The following FRMPD4 variants were observed in gnomAD, a reference collection of about 807,000 sequenced individuals.
FRMPD4 encodes FERM and PDZ domain-containing protein 4.
FRMPD4 carries 22 observed loss-of-function variants against 94.1 expected under a neutral mutation model. The observed-to-expected ratio is 0.23, with a 90% CI of 0.17 to 0.33. The LOEUF (loss-of-function observed/expected upper bound fraction) is 0.33, where lower values mean the gene tolerates loss of function less well. FRMPD4 is among the 10% of genes least tolerant of loss of function. The probability of loss-of-function intolerance (pLI) is 1.00; values close to 1 mark genes in which losing one functional copy is unlikely to be tolerated. For synonymous variants in FRMPD4, 631 were observed against 548.6 expected (o/e 1.15, Z -2.10); for missense variants, 1,111 against 1,339.9 (o/e 0.83, Z 2.67).
At chrX:12,085,408 C>T (rs1483891253) in intron 3 of FRMPD4, among the ~76,000 whole-genome samples, 3 of 111,344 alleles carry the variant, frequency 2.7e-5, no homozygotes, top group East Asian at 2.8e-4. Context: ...GTGTCTCATA[C>T]CTATAGTCCC....
chrX:12,625,095 C>G (rs1297675141), intron 4 of FRMPD4, among the ~76,000 whole-genome samples: 1 of 111,558 alleles, frequency 9.0e-6, no homozygotes, highest in Non-Finnish European at 1.9e-5. Context: ...TGTCATCTCA[C>G]CACAGTTAAA....
At chrX:12,242,283 G>A (rs2053887896) in intron 1 of FRMPD4, among the ~76,000 whole-genome samples, 3 of 110,998 alleles carry the variant, frequency 2.7e-5, no homozygotes, top group African/African-American at 9.8e-5. Flanking sequence ...AAAATTAATG[G>A]TCATCTCTGT....
At chrX:12,640,079 T>G (rs60007294) in intron 4 of FRMPD4, among the ~76,000 whole-genome samples, 6,433 of 109,466 alleles carry the variant, frequency 0.059, 357 homozygotes, top group African/African-American at 0.17. Flanking sequence ...CGGGTGGATA[T>G]CCTGAGCTCA....
intron 1 of FRMPD4, among the ~76,000 whole-genome samples, chrX:12,193,771 AAAGGAAGG>A (rs756939563): frequency 1.2e-4 from 2 of 17,288 alleles, no homozygotes; most frequent in African/African-American, 3.7e-4. Context: ...AGAAAGAAAG[AAAGGAAGG>A]AAGGAAGGAA....
At position 12,383,261 on chromosome X, in the gene FRMPD4, A is replaced by C. The variant is rs369172861; in HGVS notation, c.42-115419A>C. ...CAGAAAATTCCCTAATACTAGGAGAATATATTTAAACTAATTGTTCTCAAA... is the reference window on the plus strand; with the variant it reads ...CAGAAAATTCCCTAATACTAGGAGACTATATTTAAACTAATTGTTCTCAAA... On this transcript the variant is annotated intron_variant, in intron 1 of 16. Transcript: ENST00000675598. 1.6e-3 allele frequency among the ~76,000 whole-genome samples: 179 copies of C among 112,303 alleles called. 1 individual carries two copies. In the Middle Eastern group the frequency reaches 0.037, roughly 23 times the overall value.
At position 12,415,316 on chromosome X, in the gene FRMPD4, C is replaced by T. The variant is rs139085163; in HGVS notation, c.42-83364C>T. Among the ~76,000 whole-genome samples the T allele has an allele frequency of 9.3e-3, 1,041 of 111,495 alleles. 8 individuals are homozygous for T. Among genetic ancestry groups the T allele is most frequent in the Non-Finnish European group, 0.014 (747 of 53,057 alleles). ...AAGTTGCATCAGAAAAGCAGTATTG[C>T]TGGGCAATATATGTTGTTTTCAAAA... On this transcript the variant is annotated intron_variant, in intron 1 of 16. Transcript: ENST00000675598.
chrX:11,876,684 ACAAAT>A (rs1438969477), intron 2 of FRMPD4, among the ~76,000 whole-genome samples: 1 of 83,754 alleles, frequency 1.2e-5, no homozygotes, highest in African/African-American at 4.5e-5. Flanking sequence ...CTCCATTGTG[ACAAAT>A]CAAATTGGCC....
chrX:12,254,850 AT>A (rs1569207848), intron 1 of FRMPD4, among the ~76,000 whole-genome samples: 1 of 110,579 alleles, frequency 9.0e-6, no homozygotes, highest in South Asian at 3.9e-4. Context: ...TTCTTTTACT[AT>A]TTTTTTGGAT....
At chrX:11,842,263 A>G in intron 1 of FRMPD4, among the ~76,000 whole-genome samples, 1 of 101,859 alleles carries the variant, frequency 9.8e-6, no homozygotes, top group Non-Finnish European at 2.0e-5. Context: ...ACTTTAAAGT[A>G]GTTTTTTCCA....
At chrX:12,557,607 A>G (rs1299966098) in intron 2 of FRMPD4, among the ~76,000 whole-genome samples, 1 of 112,217 alleles carries the variant, frequency 8.9e-6, no homozygotes. Flanking sequence ...CCCCATTGGA[A>G]TATGTTGAAA....
chrX:12,412,977 TAAAAAAA>T (rs201136609), intron 1 of FRMPD4, among the ~76,000 whole-genome samples: 1 of 102,777 alleles, frequency 9.7e-6, no homozygotes, highest in African/African-American at 3.6e-5. Flanking sequence ...ATAGTCATAG[TAAAAAAA>T]AAAAACACAC....
At chrX:12,258,578 A>C (rs986872310) in intron 1 of FRMPD4, among the ~76,000 whole-genome samples, 10 of 111,747 alleles carry the variant, frequency 8.9e-5, no homozygotes, top group African/African-American at 3.2e-4. Flanking sequence ...AAGTGAACTA[A>C]GACAACGCCA....
At chrX:12,272,977 T>C (rs1186685499) in intron 1 of FRMPD4, among the ~76,000 whole-genome samples, 2 of 109,749 alleles carry the variant, frequency 1.8e-5, no homozygotes, top group Non-Finnish European at 3.8e-5. Context: ...CTTGGGAGAC[T>C]GAGGCACAAG....
At chrX:12,532,902 G>A (rs2148292351) in intron 2 of FRMPD4, among the ~76,000 whole-genome samples, 1 of 112,466 alleles carries the variant, frequency 8.9e-6, no homozygotes, top group African/African-American at 3.2e-5. Context: ...TGAGAAACCT[G>A]CGACAGCCTT....
intron 6 of FRMPD4, 50 bp downstream of exon 6, chrX:12,683,637 G>C: frequency 4.7e-6 from 3 of 642,570 alleles, no homozygotes; most frequent in Non-Finnish European, 7.6e-6. Context: ...CAATGAGGCA[G>C]AAGCTTTGCA....
intron 6 of FRMPD4, among the ~76,000 whole-genome samples, chrX:12,683,886 C>T (rs1389862620): frequency 2.7e-5 from 3 of 112,452 alleles, no homozygotes; most frequent in Non-Finnish European, 5.6e-5. Context: ...GACACTGCCT[C>T]ATTCATACTC....
chrX:12,231,029 A>ATATATATAT (rs1569199737), intron 1 of FRMPD4, among the ~76,000 whole-genome samples: 7 of 40,637 alleles, frequency 1.7e-4, no homozygotes, highest in African/African-American at 5.6e-4. Flanking sequence ...GTATATATAT[A>ATATATATAT]GTATATATAT....
chrX:12,193,817 AG>A (rs2056528764), intron 1 of FRMPD4, among the ~76,000 whole-genome samples: 2 of 33,199 alleles, frequency 6.0e-5, no homozygotes, highest in Non-Finnish European at 9.3e-5. Context: ...GAAGGAAGGA[AG>A]GAAGGAAGGA....
intron 3 of FRMPD4, among the ~76,000 whole-genome samples, chrX:12,074,538 G>A (rs1247421658): frequency 1.8e-5 from 2 of 111,920 alleles, no homozygotes; most frequent in Non-Finnish European, 3.8e-5. Context: ...GCATCAGTCA[G>A]CAAGATAAGG....
Sources: gnomAD v4.1 joint callset for allele counts (sites outside exome capture counted in the v4.1 genomes callset) on GRCh38, gnomAD v4.1.1 for gene constraint, MANE v1.5 for transcripts, NCBI Gene and HGNC (gene_info 2026-07-23, HGNC 2026-07-21) for gene names.